TXNL4B: variants seen among roughly 807,000 people sequenced by gnomAD.
The protein encoded by TXNL4B is thioredoxin like 4B.
A neutral mutation model predicts 13.0 loss-of-function variants in TXNL4B; 12 were observed. The ratio of observed to expected loss-of-function variants is 0.92; its 90% CI spans 0.59 to 1.49. The LOEUF (loss-of-function observed/expected upper bound fraction) is 1.49. Ranked by LOEUF, TXNL4B falls within the 40% of genes most tolerant of loss-of-function variation. The probability of loss-of-function intolerance (pLI) is 0.00; values close to 1 mark genes in which losing one functional copy is unlikely to be tolerated. For synonymous variants in TXNL4B, 59 were observed against 58.9 expected, an observed-to-expected ratio of 1.00 and a Z score of -0.01; for missense variants, 214 against 173.6, an observed-to-expected ratio of 1.23 and a Z score of -1.31.
At chr16:72,088,363 T>C (rs948344552) in intron 3 of TXNL4B, among the ~76,000 whole-genome samples, 2 of 152,228 alleles carry the variant, frequency 1.3e-5, no homozygotes, top group Non-Finnish European at 2.9e-5. Flanking sequence ...CAGTAAGAAA[T>C]GATCAGAATC....
At chr16:72,092,877 T>A (rs557489480) in intron 1 of TXNL4B, among the ~76,000 whole-genome samples, 4 of 152,240 alleles carry the variant, frequency 2.6e-5, no homozygotes, top group Admixed American at 6.5e-5. Flanking sequence ...AGTCACTGAA[T>A]TGGCAAAAAT....
intron 3 of TXNL4B, among the ~76,000 whole-genome samples, chr16:72,087,661 T>TG (rs1567596199): frequency 1.3e-4 from 19 of 151,832 alleles, no homozygotes; most frequent in Admixed American, 6.6e-5. Flanking sequence ...GTGTTTTTTT[T>TG]TTGTTGTTGT....
At chr16:72,089,159 A>G in intron 2 of TXNL4B, 21 bp from the exon 3 acceptor site, 1 of 1,595,304 alleles carries the variant, frequency 6.3e-7, no homozygotes, top group Non-Finnish European at 8.6e-7. Context: ...CGAGAGAGAC[A>G]AAGGTTACAA....
chr16:72,092,865 A>G (rs1245302804), intron 1 of TXNL4B, among the ~76,000 whole-genome samples: 1 of 152,284 alleles, frequency 6.6e-6, no homozygotes. Flanking sequence ...ATATGTTTAC[A>G]AAGTCACTGA....
rs1449862424 is a variant in TXNL4B at position 72,089,112 on chromosome 16, A to C, written c.159T>G (p.Ser53Arg). The C allele has an allele frequency of 2.5e-6, 4 of 1,613,030 alleles. No individual in the cohort carries two copies. The South Asian group carries it at 3.3e-5, about 13-fold the overall frequency. Residue 53 changes from serine (S) to arginine (R), a missense_variant, in exon 3 of 4, where the codon AGT becomes AGG. Physicochemically the swap from Ser to Arg is moderately radical, Grantham distance 110. Transcript: ENST00000268483. Reference protein sequence around the residue: ...DILSKTSSDLSKMAAIYLVDV... With the variant: ...DILSKTSSDLRKMAAIYLVDV... ...CTACCAGGTATATAGCAGCCATTTT[A>C]CTTAAGTCAGAAGAGGTCTTAGAAA...
intron 2 of TXNL4B, 73 bp downstream of exon 2, chr16:72,090,545 T>G (rs878876673): frequency 2.0e-6 from 3 of 1,493,748 alleles, no homozygotes; most frequent in African/African-American, 2.8e-5. Flanking sequence ...CTCCCTCTCA[T>G]GTACTACTCA....
chr16:72,091,080 TCCCCA>T (rs2041897648), intron 1 of TXNL4B, among the ~76,000 whole-genome samples: 1 of 152,086 alleles, frequency 6.6e-6, no homozygotes, highest in African/African-American at 2.4e-5. Flanking sequence ...TTTCTCTCTC[TCCCCA>T]CCCCCAAAAG....
intron 2 of TXNL4B, 78 bp from the exon 3 acceptor site, chr16:72,089,216 CAG>C (rs2041867144): frequency 2.2e-6 from 3 of 1,338,572 alleles, no homozygotes; most frequent in South Asian, 1.3e-5. Context: ...GTTACTACAA[CAG>C]AGTGTTTTGT....
At position 72,089,077 on chromosome 16, in the gene TXNL4B, T is replaced by C. The variant is rs768743186; in HGVS notation, c.194A>G (p.Gln65Arg). 2.5e-6 allele frequency: 4 copies of C among 1,612,420 alleles called. No homozygotes were observed. The Admixed American group carries it at 6.7e-5, about 27-fold the overall frequency. The change falls in exon 3 of 4, where the codon CAA (glutamine) becomes CGA (arginine). Residue 65 changes from glutamine to arginine, a missense_variant. Gln to Arg is a conservative substitution (Grantham distance 43). Coordinates refer to ENST00000268483, the MANE Select transcript of TXNL4B (RefSeq NM_017853.3). ...AAAATACTGTGTATAAACTGCAGTT[T>C]GGTCCACATCTACCAGGTATATAGC... ...MAAIYLVDVDQTAVYTQYFDI... is the reference protein window; with the variant it reads ...MAAIYLVDVDRTAVYTQYFDI...
chr16:72,086,908 T>A, intron 3 of TXNL4B, 106 bp from the exon 4 acceptor site: 1 of 864,384 alleles, frequency 1.2e-6, no homozygotes, highest in Non-Finnish European at 1.7e-6. Flanking sequence ...ATTTTCTTCT[T>A]GTCAATGAGA....
chr16:72,090,044 C>T (rs2854959), intron 2 of TXNL4B: 1 of 455,292 alleles, frequency 2.2e-6, no homozygotes, highest in African/African-American at 2.0e-5. Context: ...ACATCACACC[C>T]TCATTGTAAC....
At chr16:72,088,573 C>T (rs2041856870) in intron 3 of TXNL4B, among the ~76,000 whole-genome samples, 2 of 152,196 alleles carry the variant, frequency 1.3e-5, no homozygotes, top group Admixed American at 1.3e-4. Context: ...TCATAAATGC[C>T]ACTTACCAGT....
chr16:72,087,350 G>GTGTGTA (rs1191254549), intron 3 of TXNL4B: 1 of 150,640 alleles, frequency 6.6e-6, no homozygotes, highest in African/African-American at 2.4e-5. Context: ...GTGTGTGTGT[G>GTGTGTA]TGTGTGTGTG....
rs371204598 is a variant in TXNL4B at position 72,092,497 on chromosome 16, C to A, written c.-38+870G>T. On this transcript the variant is annotated intron_variant, in intron 1 of 3. Transcript: ENST00000268483. ...TTCCAGCTATAGGTCATACTTTAAA[C>A]AGGGACATTGATGGCCCAAAGGGAC... 2.6e-5 allele frequency among the ~76,000 whole-genome samples: 4 copies of A among 151,684 alleles called. No individual in the cohort carries two copies. In the South Asian group the frequency reaches 6.3e-4, roughly 24 times the overall value.
intron 3 of TXNL4B, among the ~76,000 whole-genome samples, chr16:72,088,109 G>A (rs1387209894): frequency 2.0e-5 from 3 of 151,918 alleles, no homozygotes; most frequent in Middle Eastern, 6.3e-3. Flanking sequence ...GTGAGCCACT[G>A]CGCCTGGCCA....
chr16:72,088,154 G>T (rs1207175894), intron 3 of TXNL4B, among the ~76,000 whole-genome samples: 2 of 151,986 alleles, frequency 1.3e-5, no homozygotes, highest in Non-Finnish European at 2.9e-5. Flanking sequence ...AGTAGAGATG[G>T]GGTTTCACTA....
At chr16:72,088,915 A>G in intron 3 of TXNL4B, 72 bp downstream of exon 3, 1 of 1,218,544 alleles carries the variant, frequency 8.2e-7, no homozygotes, top group Non-Finnish European at 1.2e-6. Flanking sequence ...ACATGGAAAT[A>G]GGCAAGCTAC....
At chr16:72,090,044 C>G (rs2854959) in intron 2 of TXNL4B, 1 of 455,292 alleles carries the variant, frequency 2.2e-6, no homozygotes. Context: ...ACATCACACC[C>G]TCATTGTAAC....
intron 2 of TXNL4B, chr16:72,090,208 C>A (rs778183458): frequency 5.3e-5 from 24 of 456,950 alleles, no homozygotes; most frequent in Non-Finnish European, 9.7e-5. Flanking sequence ...CTACAGAAAA[C>A]TGAGTTCAAA....
Sources: allele counts gnomAD v4.1 joint callset (sites outside exome capture counted in the v4.1 genomes callset), GRCh38; gene constraint gnomAD v4.1.1; transcripts MANE v1.5; gene names NCBI Gene and HGNC (gene_info 2026-07-23, HGNC 2026-07-21).